ANKS1A: variants seen among roughly 807,000 people sequenced by gnomAD.
ANKS1A encodes ankyrin repeat and SAM domain-containing protein 1A.
ANKS1A carries 55 observed loss-of-function variants against 120.3 expected under a neutral mutation model. The observed-to-expected ratio is 0.46, with a 90% CI of 0.37 to 0.57. The LOEUF (loss-of-function observed/expected upper bound fraction) is 0.57. Ranked by LOEUF, ANKS1A falls within the 20% of genes least tolerant of loss-of-function variation. The pLI is 0.00. For synonymous variants in ANKS1A, 590 were observed against 604.7 expected, an observed-to-expected ratio of 0.98 and a Z score of 0.36; for missense variants, 1,123 against 1,480.3, an observed-to-expected ratio of 0.76 and a Z score of 3.96.
chr6:34,997,023 A>T (rs1350836204), intron 10 of ANKS1A, among the ~76,000 whole-genome samples: 1 of 151,930 alleles, frequency 6.6e-6, no homozygotes, highest in Non-Finnish European at 1.5e-5. Context: ...TGTCTTTCCC[A>T]TTTAGAATCA....
chr6:35,092,226 C>T (rs2127622566), downstream of ANKS1A, among the ~76,000 whole-genome samples: 1 of 152,336 alleles, frequency 6.6e-6, no homozygotes, highest in Admixed American at 6.5e-5. Flanking sequence ...GTTCCTAGGC[C>T]TGTTTCAACC....
intron 1 of ANKS1A, among the ~76,000 whole-genome samples, chr6:34,933,432 G>A (rs898388001): frequency 1.3e-5 from 2 of 152,146 alleles, no homozygotes; most frequent in Non-Finnish European, 2.9e-5. Flanking sequence ...GTGCAATGGC[G>A]CGATCTCGTC....
Position 35,060,188 on chromosome 6 carries a change from T to C in ANKS1A, c.2119T>C (p.Ser707Pro). The C allele has an allele frequency of 6.2e-7, 1 of 1,610,308 alleles. No individual in the cohort carries two copies. The highest frequency in any genetic ancestry group is 8.5e-7 in the Non-Finnish European group (1 of 1,179,072). ...GCAGAGTGTCGGGGAGTGGCTGGAG[T>C]CGATTGGGCTGCAGCAGTATGAGAG... ...LEQSVGEWLESIGLQQYESKL... is the reference protein window; with the variant it reads ...LEQSVGEWLEPIGLQQYESKL... Residue 707 changes from serine (S) to proline (P), a missense_variant, in exon 13 of 24, where the codon TCG becomes CCG. By Grantham distance (74) the Ser-to-Pro change is moderately conservative. Coordinates refer to ENST00000360359, the MANE Select transcript of ANKS1A (RefSeq NM_015245.3). The surrounding 1 kb of genome is among the most constrained non-coding windows in gnomAD (Gnocchi z 4.5).
intron 10 of ANKS1A, among the ~76,000 whole-genome samples, chr6:35,014,923 A>G (rs1773925444): frequency 6.6e-6 from 1 of 152,192 alleles, no homozygotes; most frequent in African/African-American, 2.4e-5. Context: ...ACCACATTAA[A>G]TGGTCATGTG....
chr6:34,893,334 A>G (rs767854265), intron 1 of ANKS1A, among the ~76,000 whole-genome samples: 14 of 152,136 alleles, frequency 9.2e-5, no homozygotes, highest in Non-Finnish European at 1.9e-4. Context: ...ATCGTGTCCC[A>G]CTATGTTGCC....
intron 1 of ANKS1A, among the ~76,000 whole-genome samples, chr6:34,928,730 T>G (rs1366974656): frequency 6.6e-6 from 1 of 152,224 alleles, no homozygotes. Flanking sequence ...GGCTGGGATT[T>G]GAATCCTGGC....
intron 1 of ANKS1A, among the ~76,000 whole-genome samples, chr6:34,890,707 AGT>A: frequency 6.6e-6 from 1 of 152,262 alleles, no homozygotes; most frequent in South Asian, 2.1e-4. Context: ...GTGCTTTGTT[AGT>A]GTGAGTTAAA....
At chr6:34,915,125 CTT>C (rs1359239891) in intron 1 of ANKS1A, among the ~76,000 whole-genome samples, 2 of 152,194 alleles carry the variant, frequency 1.3e-5, no homozygotes, top group East Asian at 1.9e-4. Flanking sequence ...TAGCTCATCA[CTT>C]ATATTCATTT....
At chr6:34,997,666 C>G (rs1469974712) in intron 10 of ANKS1A, among the ~76,000 whole-genome samples, 1 of 152,174 alleles carries the variant, frequency 6.6e-6, no homozygotes, top group Non-Finnish European at 1.5e-5. Flanking sequence ...TTTTTAGCAT[C>G]ATGGAGGAGG....
chr6:35,054,171 G>T lies in ANKS1A; in HGVS notation c.2077+6G>T. 1.2e-6 allele frequency: 2 copies of T among 1,613,368 alleles called. No homozygotes were observed. The highest frequency in any genetic ancestry group is 1.7e-4 in the Middle Eastern group (1 of 6,054). Reference sequence around the variant, plus strand: ...GGAACGGCAGAAGATCTCAGGTACCGTACTAAGTGGCCATTTTCCCCACAG... The same window carrying T: ...GGAACGGCAGAAGATCTCAGGTACCTTACTAAGTGGCCATTTTCCCCACAG... On this transcript the variant is annotated splice_donor_region_variant and intron_variant, in intron 12 of 23. Transcript: ENST00000360359.
chr6:35,068,775 C>T (rs1027227606), intron 13 of ANKS1A, among the ~76,000 whole-genome samples: 6 of 152,134 alleles, frequency 3.9e-5, no homozygotes, highest in African/African-American at 1.4e-4. Context: ...GAGAGTTCAG[C>T]CTTGAGTTTC....
chr6:35,067,618 G>A (rs977871681), intron 13 of ANKS1A, among the ~76,000 whole-genome samples: 4 of 152,156 alleles, frequency 2.6e-5, no homozygotes, highest in Admixed American at 2.6e-4. Flanking sequence ...CATGTTAAAA[G>A]AGGCAGGTTA....
chr6:35,087,188 T>C, intron 23 of ANKS1A, 139 bp downstream of exon 23: 1 of 834,540 alleles, frequency 1.2e-6, no homozygotes, highest in Non-Finnish European at 2.0e-6. Flanking sequence ...CACTGGGACC[T>C]GCTCCTCTTG....
intron 9 of ANKS1A, among the ~76,000 whole-genome samples, chr6:34,992,932 G>C (rs537804210): frequency 6.6e-6 from 1 of 152,282 alleles, no homozygotes; most frequent in Non-Finnish European, 1.5e-5. Flanking sequence ...GCAAAAACCC[G>C]ATGAACCACA....
intron 1 of ANKS1A, among the ~76,000 whole-genome samples, chr6:34,919,331 T>G (rs1768322780): frequency 6.6e-6 from 1 of 152,220 alleles, no homozygotes. Flanking sequence ...TGGCTTGCCT[T>G]GAGTCCAAAC....
At chr6:35,036,310 C>T (rs1361996893) in intron 11 of ANKS1A, among the ~76,000 whole-genome samples, 1 of 152,206 alleles carries the variant, frequency 6.6e-6, no homozygotes, top group African/African-American at 2.4e-5. Flanking sequence ...CTTCATGCTG[C>T]CCAGGCAACT....
chr6:35,079,733 C>T, intron 15 of ANKS1A, 65 bp downstream of exon 15: 2 of 1,612,300 alleles, frequency 1.2e-6, no homozygotes, highest in South Asian at 1.1e-5. Flanking sequence ...TAGGGGCAGC[C>T]TGGCCCAGCG....
chr6:34,919,054 G>A (rs1768310228), intron 1 of ANKS1A, among the ~76,000 whole-genome samples: 1 of 152,130 alleles, frequency 6.6e-6, no homozygotes, highest in Non-Finnish European at 1.5e-5. Context: ...GTTTCACCAT[G>A]TTGGCCAGGC....
intron 1 of ANKS1A, among the ~76,000 whole-genome samples, chr6:34,901,923 GTAT>G (rs1182026629): frequency 6.6e-6 from 1 of 152,208 alleles, no homozygotes; most frequent in Non-Finnish European, 1.5e-5. Flanking sequence ...GGAGAAGGTA[GTAT>G]TCTAGCTAAG....
Sources: allele counts gnomAD v4.1 joint callset (sites outside exome capture counted in the v4.1 genomes callset), GRCh38; gene constraint gnomAD v4.1.1; non-coding constraint Gnocchi (gnomAD v3.1); transcripts MANE v1.5; gene names NCBI Gene and HGNC (gene_info 2026-07-23, HGNC 2026-07-21).